Variants in SLC25A48 observed in about 807,000 individuals in gnomAD.
SLC25A48 encodes the protein CTC-321K16.1.
In SLC25A48, 29 loss-of-function variants were observed where a neutral mutation model predicts 32.2. The ratio of observed to expected loss-of-function variants is 0.90; its 90% CI spans 0.67 to 1.23. The LOEUF (loss-of-function observed/expected upper bound fraction) is 1.23. Ranked by LOEUF, SLC25A48 falls within the 50% of genes most tolerant of loss-of-function variation. The pLI is 0.00. For missense variants in SLC25A48, 399 were observed against 422.7 expected (o/e 0.94, Z 0.49); for synonymous variants, 164 against 172.3 (o/e 0.95, Z 0.38).
chr5:135,595,324 C>T lies in SLC25A48; in HGVS notation c.-849+15727C>T, dbSNP rs115453478. 9.6e-3 allele frequency among the ~76,000 whole-genome samples: 1,466 copies of T among 152,256 alleles called. 16 individuals are homozygous for T. Among genetic ancestry groups the T allele is most frequent in the African/African-American group, 0.034 (1,394 of 41,542 alleles). ...ACTGTATGTCCCTGGAGTTGTGGGA[C>T]ATGGTGATTCCACCCAACCTCATGG... On this transcript the variant is annotated intron_variant, in intron 1 of 10. Coordinates refer to the SLC25A48 transcript ENST00000646290.
upstream of SLC25A48, among the ~76,000 whole-genome samples, chr5:135,829,856 C>T (rs1475576818): frequency 1.3e-5 from 2 of 152,042 alleles, no homozygotes; most frequent in Admixed American, 6.6e-5. Flanking sequence ...ACTGCTTGAC[C>T]TCTCTGGACC....
intron 3 of SLC25A48, among the ~76,000 whole-genome samples, chr5:135,683,514 A>G (rs1317068368): frequency 1.6e-5 from 1 of 64,446 alleles, no homozygotes; most frequent in Non-Finnish European, 4.5e-5. Context: ...TCTTAAAGTA[A>G]GTCTTGGCTA....
intron 3 of SLC25A48, among the ~76,000 whole-genome samples, chr5:135,789,294 C>T (rs1046859191): frequency 1.2e-4 from 10 of 84,724 alleles, no homozygotes; most frequent in Non-Finnish European, 1.7e-4. Flanking sequence ...CCATATGTTT[C>T]GTAATATCCA....
chr5:135,707,343 G>A (rs377303049), intron 3 of SLC25A48, among the ~76,000 whole-genome samples: 2 of 152,148 alleles, frequency 1.3e-5, no homozygotes, highest in East Asian at 1.9e-4. Context: ...GAAAACCAGA[G>A]TATCTGTGGC....
intron 3 of SLC25A48, among the ~76,000 whole-genome samples, chr5:135,683,856 A>G (rs949127618): frequency 4.6e-5 from 7 of 152,110 alleles, no homozygotes; most frequent in African/African-American, 1.7e-4. Flanking sequence ...CTTAGCTTGG[A>G]TCTAGAATGT....
intron 4 of SLC25A48, among the ~76,000 whole-genome samples, chr5:135,857,119 CAATA>C (rs1760395443): frequency 1.3e-5 from 2 of 152,214 alleles, no homozygotes; most frequent in Non-Finnish European, 2.9e-5. Context: ...AGGTGTTTCC[CAATA>C]AATACTTTCC....
chr5:135,677,075 G>A (rs1291534699), intron 3 of SLC25A48, among the ~76,000 whole-genome samples: 1 of 151,850 alleles, frequency 6.6e-6, no homozygotes, highest in Non-Finnish European at 1.5e-5. Flanking sequence ...CACTATTTTT[G>A]TTTTAGAGTC....
At position 135,581,124 on chromosome 5, in the gene SLC25A48, A is replaced by T. The variant is rs371181202; in HGVS notation, c.-849+1527A>T. Reference sequence around the variant, plus strand: ...TACAGCATAGGCAGAATTAAATGAGATAGTGCATGTAATGCTTTTAATGTG... The same window carrying T: ...TACAGCATAGGCAGAATTAAATGAGTTAGTGCATGTAATGCTTTTAATGTG... On this transcript the variant is annotated intron_variant, in intron 1 of 10. Transcript: ENST00000646290. 5.3e-4 allele frequency among the ~76,000 whole-genome samples: 80 copies of T among 152,376 alleles called. No homozygotes were observed. The South Asian group carries it at 0.016, about 31-fold the overall frequency.
chr5:135,697,877 G>A (rs1192239976), intron 3 of SLC25A48, among the ~76,000 whole-genome samples: 1 of 152,156 alleles, frequency 6.6e-6, no homozygotes, highest in Non-Finnish European at 1.5e-5. Context: ...TTGTTCCCAA[G>A]ATCACAACCT....
At chr5:135,872,040 T>C (rs1761698263) in intron 5 of SLC25A48, 6 of 1,248,302 alleles carry the variant, frequency 4.8e-6, no homozygotes, top group Non-Finnish European at 6.1e-6. Flanking sequence ...ATGCAATCTT[T>C]GTAATGTAAG....
At chr5:135,798,743 G>A (rs1007547855) in intron 3 of SLC25A48, among the ~76,000 whole-genome samples, 3 of 150,778 alleles carry the variant, frequency 2.0e-5, no homozygotes, top group Non-Finnish European at 4.4e-5. Flanking sequence ...GGGGAAAGAG[G>A]ATGTTATTAC....
At chr5:135,623,147 C>T (rs557448204) in intron 1 of SLC25A48, among the ~76,000 whole-genome samples, 4 of 152,334 alleles carry the variant, frequency 2.6e-5, no homozygotes, top group East Asian at 3.9e-4. Context: ...CATGGACATC[C>T]CTTCTTGGTT....
chr5:135,827,399 C>T (rs551883134), intron 4 of SLC25A48: 1 of 152,296 alleles, frequency 6.6e-6, no homozygotes, highest in South Asian at 2.1e-4. Flanking sequence ...CAATCGGTCA[C>T]ACTAGAGTTA....
intron 3 of SLC25A48, among the ~76,000 whole-genome samples, chr5:135,808,624 G>A (rs909695692): frequency 1.1e-4 from 16 of 152,018 alleles, no homozygotes; most frequent in African/African-American, 3.6e-4. Context: ...TGTGGACATC[G>A]AGAGGACCAG....
intron 4 of SLC25A48, among the ~76,000 whole-genome samples, chr5:135,864,040 G>A (rs192648981): frequency 6.6e-6 from 1 of 152,294 alleles, no homozygotes; most frequent in Admixed American, 6.5e-5. Context: ...AGGAATCAGA[G>A]TGGGGCCAGG....
chr5:135,862,774 T>G (rs1420394914), intron 4 of SLC25A48, among the ~76,000 whole-genome samples: 1 of 152,182 alleles, frequency 6.6e-6, no homozygotes, highest in Non-Finnish European at 1.5e-5. Context: ...CAGGAAAATG[T>G]AGGCACATGG....
chr5:135,880,166 G>A, intron 7 of SLC25A48, 69 bp downstream of exon 7: 2 of 1,481,166 alleles, frequency 1.4e-6, no homozygotes, highest in South Asian at 2.6e-5. Flanking sequence ...TTTTTATCAT[G>A]AGAATGTTGT....
chr5:135,677,488 T>TAACCA (rs1753799036), intron 3 of SLC25A48, among the ~76,000 whole-genome samples: 2 of 152,176 alleles, frequency 1.3e-5, no homozygotes, highest in Non-Finnish European at 1.5e-5. Context: ...AATTGTTGTC[T>TAACCA]GGTTGTTTTG....
At chr5:135,822,537 T>A (rs1757918557) in intron 4 of SLC25A48, among the ~76,000 whole-genome samples, 1 of 152,148 alleles carries the variant, frequency 6.6e-6, no homozygotes, top group African/African-American at 2.4e-5. Context: ...GCTTCCTCCA[T>A]CATCACATGA....
Sources: allele counts gnomAD v4.1 joint callset (sites outside exome capture counted in the v4.1 genomes callset), GRCh38; gene constraint gnomAD v4.1.1; transcripts MANE v1.5; gene names NCBI Gene and HGNC (gene_info 2026-07-23, HGNC 2026-07-21).